TTYH2: variants seen among roughly 807,000 people sequenced by gnomAD.
TTYH2 encodes tweety family member 2.
In TTYH2, 49 loss-of-function variants were observed where a neutral mutation model predicts 68.3. That is an observed-to-expected ratio of 0.72 (90% CI 0.57 to 0.91). TTYH2 has a LOEUF of 0.91. Among genes scored for constraint, TTYH2 ranks in the 40% least tolerant of loss-of-function variants. The probability of loss-of-function intolerance (pLI) is 0.00; values close to 1 mark genes in which losing one functional copy is unlikely to be tolerated. For missense variants in TTYH2, 631 were observed against 700.4 expected (o/e 0.90, Z 1.12); for synonymous variants, 272 against 300.8 (o/e 0.90, Z 0.99).
rs900504233 is a variant in TTYH2, at chr17:74,241,303, A to G, written c.636-2071A>G. Among the ~76,000 whole-genome samples the G allele has an allele frequency of 1.4e-5, 2 of 145,920 alleles. No homozygotes were observed. Among genetic ancestry groups the G allele is most frequent in the African/African-American group, 5.3e-5 (2 of 37,502 alleles). ...TGTGTGTGTGTGTGTGTGTGCGTGT[A>G]AAAATAAGAATGTGATCCAAACACT... is the stretch of plus-strand genomic sequence containing the variant. On this transcript the variant is annotated intron_variant, in intron 4 of 13. Transcript: ENST00000269346. The surrounding 1 kb of genome is among the most constrained non-coding windows in gnomAD (Gnocchi z 4.1).
intron 4 of TTYH2, among the ~76,000 whole-genome samples, chr17:74,240,237 G>C (rs964160125): frequency 2.0e-5 from 3 of 152,256 alleles, no homozygotes; most frequent in Admixed American, 6.5e-5. Flanking sequence ...CCAGTAATTC[G>C]AGACCAGCCT....
intron 13 of TTYH2, among the ~76,000 whole-genome samples, chr17:74,257,553 C>T (rs890816452): frequency 2.0e-5 from 3 of 152,232 alleles, no homozygotes; most frequent in Admixed American, 2.0e-4. Flanking sequence ...CTCTGCCGAG[C>T]ACCCTCTCTG....
At chr17:74,240,395 C>T (rs916061923) in intron 4 of TTYH2, among the ~76,000 whole-genome samples, 2 of 151,566 alleles carry the variant, frequency 1.3e-5, no homozygotes, top group African/African-American at 4.9e-5. Flanking sequence ...GCCGAGATTG[C>T]GCCACTGCAC....
chr17:74,213,841 T>G lies in TTYH2; in HGVS notation c.129+125T>G. Reference sequence around the variant, plus strand: ...ACCCCTTCTCTCCCCGCGCAGCCCTTTCCCGTCTCCCCTCTCCCCTTTTCC... The same window carrying G: ...ACCCCTTCTCTCCCCGCGCAGCCCTGTCCCGTCTCCCCTCTCCCCTTTTCC... On this transcript the variant is annotated intron_variant, in intron 1 of 13. Transcript: ENST00000269346. The surrounding 1 kb of genome is among the most constrained non-coding windows in gnomAD (Gnocchi z 6.1). 1 of 1,245,320 alleles carries G rather than the reference T, an allele frequency of 8.0e-7. No homozygotes were observed. The allele number at this position is 1,245,320 out of a possible 1,614,324, so 77.1% of individuals were successfully genotyped here.
intron 1 of TTYH2, among the ~76,000 whole-genome samples, chr17:74,221,099 C>T (rs1036153142): frequency 6.6e-6 from 1 of 152,172 alleles, no homozygotes; most frequent in Admixed American, 6.5e-5. Context: ...GGCGGAAAGC[C>T]ACATTTTCCA....
intron 2 of TTYH2, among the ~76,000 whole-genome samples, chr17:74,226,423 GA>G (rs2050330765): frequency 6.6e-6 from 1 of 152,040 alleles, no homozygotes; most frequent in Non-Finnish European, 1.5e-5. Flanking sequence ...CCAGGAAGAG[GA>G]ACCAAGCTGA....
In TTYH2 at chr17:74,226,681, G is replaced by A. The variant is rs565158225; in HGVS notation, c.302+4024G>A. On this transcript the variant is annotated intron_variant, in intron 2 of 13. Transcript: ENST00000269346. ...CACCTGAAAGCGGGGGATTGAATCC[G>A]CAGAAGAAAAGACCAACAAGGGGTT... is the stretch of plus-strand genomic sequence containing the variant. Among the ~76,000 whole-genome samples, 12 of 152,236 alleles carry A rather than the reference G, an allele frequency of 7.9e-5. 1 individual carries two copies. In the South Asian group the frequency reaches 2.1e-3, roughly 26 times the overall value.
intron 13 of TTYH2, among the ~76,000 whole-genome samples, chr17:74,259,689 G>A (rs141560755): frequency 6.6e-6 from 1 of 152,256 alleles, no homozygotes; most frequent in Non-Finnish European, 1.5e-5. Context: ...TAAGAGCTGG[G>A]TGCTCTTATG....
rs59096145 is a variant in TTYH2 at position 74,241,296 on chromosome 17, T to TGTGTGCGCGC, written c.636-2077_636-2076insTGTGCGCGCG. ...GTGTGTGTGTGTGTGTGTGTGTGTG[T>TGTGTGCGCGC]GCGTGTAAAAATAAGAATGTGATCC... is the stretch of plus-strand genomic sequence containing the variant. On this transcript the variant is annotated intron_variant, in intron 4 of 13. Transcript: ENST00000269346. This position sits in a 1 kb window ranked among gnomAD's most constrained non-coding sequence, Gnocchi z 4.1. 9.6e-5 allele frequency among the ~76,000 whole-genome samples: 14 copies of TGTGTGCGCGC among 146,368 alleles called. No individual in the cohort carries two copies. In the East Asian group the frequency reaches 2.4e-3, roughly 25 times the overall value.
chr17:74,218,521 A>G (rs1350772111), intron 1 of TTYH2, among the ~76,000 whole-genome samples: 1 of 148,380 alleles, frequency 6.7e-6, no homozygotes, highest in Non-Finnish European at 1.5e-5. Context: ...TTTTTTTAAA[A>G]AAAGGAAATC....
intron 1 of TTYH2, among the ~76,000 whole-genome samples, chr17:74,219,518 A>C (rs1402809369): frequency 2.6e-5 from 4 of 152,146 alleles, no homozygotes; most frequent in African/African-American, 9.7e-5. Context: ...CATCCCAATC[A>C]GATCGTATTC....
rs1350790087 is a variant in TTYH2, at chr17:74,253,240, C to A, written c.1419C>A (p.Ile473=). Residue 473 remains isoleucine, a synonymous_variant, in exon 12 of 14, where the codon ATC becomes ATA. Transcript: ENST00000269346. The stretch of plus-strand genomic sequence containing the variant: ...GCCTGCAGCCCCCGGCCCAGACCAT[C>A]TCCAACGCCCCTGTCTCCGAGTACA... ...QTSLQPPAQT[I]SNAPVSEYMN... 1 of 1,605,622 alleles carries A rather than the reference C, an allele frequency of 6.2e-7. No individual in the cohort carries two copies. The highest frequency in any genetic ancestry group is 8.5e-7 in the Non-Finnish European group (1 of 1,176,920).
intron 13 of TTYH2, 121 bp downstream of exon 13, chr17:74,253,954 C>T (rs1184785466): frequency 1.9e-6 from 2 of 1,079,124 alleles, no homozygotes; most frequent in Admixed American, 2.0e-5. Flanking sequence ...ATTGAATATG[C>T]ACTAAACCAG....
rs752740674 is a variant in TTYH2, at chr17:74,249,092, C to T, written c.874+12C>T. On this transcript the variant is annotated intron_variant, in intron 7 of 13. Coordinates refer to ENST00000269346, the MANE Select transcript of TTYH2 (RefSeq NM_032646.6). The stretch of plus-strand genomic sequence containing the variant: ...CCAGATCAGCACAGGTAACTACACA[C>T]TCTCAGGCTGCTGCTGTGGATGCAT... The T allele has an allele frequency of 1.2e-6, 2 of 1,614,142 alleles. No homozygotes were observed. Among genetic ancestry groups the T allele is most frequent in the Admixed American group, 3.3e-5 (2 of 60,018 alleles).
chr17:74,248,144 C>A (rs2050579870), intron 6 of TTYH2: 2 of 496,110 alleles, frequency 4.0e-6, no homozygotes, highest in Non-Finnish European at 5.2e-6. Flanking sequence ...GGGTCCCCTG[C>A]CCGGGGAGCA....
chr17:74,243,534 C>G (rs1158718439), intron 5 of TTYH2, 65 bp downstream of exon 5: 1 of 1,549,046 alleles, frequency 6.5e-7, no homozygotes, highest in Non-Finnish European at 8.9e-7. Context: ...CAGAGAGAGA[C>G]GAGGGCCTGG....
Position 74,215,117 on chromosome 17 carries a change from C to T in TTYH2, c.129+1401C>T, listed in dbSNP as rs2050209275. ...CTGCCTGGGGATAGCTCCAGGGAAT[C>T]TTCCTCTCCCAGAGAATGCATGAAA... On this transcript the variant is annotated intron_variant, in intron 1 of 13. Coordinates refer to ENST00000269346, the MANE Select transcript of TTYH2 (RefSeq NM_032646.6). The surrounding 1 kb of genome is among the most constrained non-coding windows in gnomAD (Gnocchi z 4.3). Among the ~76,000 whole-genome samples, 1 of 151,978 alleles carries T rather than the reference C, an allele frequency of 6.6e-6. No homozygotes were observed. The highest frequency in any genetic ancestry group is 6.5e-5 in the Admixed American group (1 of 15,268).
At chr17:74,255,914 G>A (rs1208492535) in intron 13 of TTYH2, among the ~76,000 whole-genome samples, 1 of 152,172 alleles carries the variant, frequency 6.6e-6, no homozygotes, top group Non-Finnish European at 1.5e-5. Flanking sequence ...GAAGCACTGG[G>A]GCCCAAATAC....
chr17:74,247,155 C>T (rs2143767298), intron 6 of TTYH2, among the ~76,000 whole-genome samples: 1 of 146,778 alleles, frequency 6.8e-6, no homozygotes, highest in Admixed American at 6.9e-5. Flanking sequence ...GCACTCCAGC[C>T]TGGGCGACAG....
Sources: gnomAD v4.1 joint callset for allele counts (sites outside exome capture counted in the v4.1 genomes callset) on GRCh38, gnomAD v4.1.1 for gene constraint, Gnocchi (gnomAD v3.1) non-coding constraint, MANE v1.5 for transcripts, NCBI Gene and HGNC (gene_info 2026-07-23, HGNC 2026-07-21) for gene names.